MERTK: variants seen among roughly 807,000 people sequenced by gnomAD.
The protein encoded by MERTK is tyrosine-protein kinase Mer.
In MERTK, 69 loss-of-function variants were observed where a neutral mutation model predicts 99.3. That is an observed-to-expected ratio of 0.70 (90% CI 0.57 to 0.85). MERTK has a LOEUF of 0.85. Ranked by LOEUF, MERTK falls within the 40% of genes least tolerant of loss-of-function variation. The pLI is 0.00. For missense variants in MERTK, 1,125 were observed against 1,249.4 expected (o/e 0.90, Z 1.50); for synonymous variants, 426 against 467.6 (o/e 0.91, Z 1.15).
intron 6 of MERTK, among the ~76,000 whole-genome samples, chr2:111,968,569 G>C (rs1337261289): frequency 1.3e-5 from 2 of 151,486 alleles, no homozygotes; most frequent in Non-Finnish European, 2.9e-5. Context: ...TGCCCAGGCT[G>C]GATGCCCAGG....
chr2:111,994,968 T>C (rs1383640861), intron 9 of MERTK: 2 of 223,290 alleles, frequency 9.0e-6, no homozygotes, highest in South Asian at 7.0e-5. Flanking sequence ...GCTTTACTTA[T>C]TGAACTTAGT....
rs987310111 is a variant in MERTK at position 111,929,278 on chromosome 2, C to T, written c.220C>T (p.His74Tyr). 5.6e-6 allele frequency: 9 copies of T among 1,614,228 alleles called. No individual in the cohort carries two copies. Among genetic ancestry groups the T allele is most frequent in the Non-Finnish European group, 7.6e-6 (9 of 1,180,058 alleles). The change falls in exon 2 of 19, where the codon CAT (histidine) becomes TAT (tyrosine). Residue 74 changes from histidine to tyrosine, a missense_variant. Physicochemically the swap from His to Tyr is moderately conservative, Grantham distance 83. Transcript: ENST00000295408. ...TTCACCAACCCAGCCTGGAAGACCA[C>T]ATACAGGAAACGTAGCCATTCCCCA... ...MFSPTQPGRP[H>Y]TGNVAIPQVT...
Position 112,028,557 on chromosome 2 carries a change from ACC to A in MERTK, c.2695_2696del (p.Pro899Ter). 6.2e-7 allele frequency: 1 copy of A among 1,614,064 alleles called. No homozygotes were observed. The highest frequency in any genetic ancestry group is 8.5e-7 in the Non-Finnish European group (1 of 1,179,994). ...CTTGCTCCACTGGACTTGAACATCGACCCTGACTCTATAATTGCCTCCTGCAC... is the reference window on the plus strand; with the variant it reads ...CTTGCTCCACTGGACTTGAACATCGACTGACTCTATAATTGCCTCCTGCAC... On this transcript the variant is annotated frameshift_variant, in exon 19 of 19. Transcript: ENST00000295408. LOFTEE classifies it low-confidence loss of function (END_TRUNC).
At chr2:111,961,709 C>G (rs916744247) in intron 4 of MERTK, among the ~76,000 whole-genome samples, 2 of 152,280 alleles carry the variant, frequency 1.3e-5, no homozygotes, top group East Asian at 3.9e-4. Context: ...AACCTTCCAT[C>G]TAGATGGAAA....
chr2:111,965,084 A>C, intron 4 of MERTK, 107 bp from the exon 5 acceptor site: 2 of 1,132,274 alleles, frequency 1.8e-6, no homozygotes, highest in Non-Finnish European at 2.6e-6. Flanking sequence ...ACTAATGCCC[A>C]AAAGCCATGA....
At position 112,028,891 on chromosome 2, in the gene MERTK, A is replaced by T. The variant is rs761010584; in HGVS notation, c.*27A>T. On this transcript the variant is annotated 3_prime_UTR_variant, in exon 19 of 19. Coordinates refer to ENST00000295408, the MANE Select transcript of MERTK (RefSeq NM_006343.3). ...GAGAGGTGCGGGGAGACATTCCAAA[A>T]ATCAAGCCAATTCTTCTGCTGTAGG... is the stretch of plus-strand genomic sequence containing the variant. 1 of 1,613,286 alleles carries T rather than the reference A, an allele frequency of 6.2e-7. No homozygotes were observed. Among genetic ancestry groups the T allele is most frequent in the South Asian group, 1.1e-5 (1 of 91,068 alleles).
intron 8 of MERTK, among the ~76,000 whole-genome samples, chr2:111,993,135 ATT>A (rs199927946): frequency 0.017 from 1,641 of 93,872 alleles, 10 homozygotes; most frequent in Non-Finnish European, 0.027. Flanking sequence ...TGTGTTGACT[ATT>A]GTGGTGTGGG....
Position 111,907,852 on chromosome 2 carries a change from CA to C in MERTK, c.61+9057del, listed in dbSNP as rs1399407826. ...TAAGGATAAAGACAATGATTCATGA[CA>C]GGGGTTCTCAAGAAGAGGTATGCTT... On this transcript the variant is annotated intron_variant, in intron 1 of 18. Coordinates refer to ENST00000295408, the MANE Select transcript of MERTK (RefSeq NM_006343.3). Among the ~76,000 whole-genome samples, 3 of 152,318 alleles carry C rather than the reference CA, an allele frequency of 2.0e-5. No individual in the cohort carries two copies. In the East Asian group the frequency reaches 5.8e-4, roughly 29 times the overall value.
Position 111,929,158 on chromosome 2 carries a change from C to T in MERTK, c.100C>T (p.Leu34=). 3 of 1,614,198 alleles carry T rather than the reference C, an allele frequency of 1.9e-6. No homozygotes were observed. Among genetic ancestry groups the T allele is most frequent in the Non-Finnish European group, 2.5e-6 (3 of 1,180,018 alleles). The part of the protein sequence containing the change: ...EAREEAKPYP[L]FPGPFPGSLQ... ...AAGGGAAGAAGCCAAGCCTTACCCG[C>T]TATTCCCGGGACCTTTTCCAGGGAG... is the stretch of plus-strand genomic sequence containing the variant. The change falls in exon 2 of 19, where the codon CTA becomes TTA. Residue 34 remains leucine (L), a synonymous_variant. Coordinates refer to ENST00000295408, the MANE Select transcript of MERTK (RefSeq NM_006343.3).
intron 13 of MERTK, among the ~76,000 whole-genome samples, chr2:112,006,779 C>G (rs926609450): frequency 6.6e-6 from 1 of 152,154 alleles, no homozygotes; most frequent in Non-Finnish European, 1.5e-5. Context: ...CCCCTGTATT[C>G]CCCCACCTGG....
rs141895687 is a variant in MERTK, at chr2:112,016,578, G to T, written c.2080-2835G>T. ...AACATGCTTCTCCAGGAGGGCTAGGGTGCTGGACCCATAGTGCCACTCTGC... is the reference window on the plus strand; with the variant it reads ...AACATGCTTCTCCAGGAGGGCTAGGTTGCTGGACCCATAGTGCCACTCTGC... On this transcript the variant is annotated intron_variant, in intron 15 of 18. Transcript: ENST00000295408. 2.9e-3 allele frequency among the ~76,000 whole-genome samples: 441 copies of T among 152,322 alleles called. 5 individuals are homozygous for T. The highest frequency in any genetic ancestry group is 9.9e-3 in the African/African-American group (411 of 41,560).
intron 2 of MERTK, among the ~76,000 whole-genome samples, chr2:111,939,516 C>T (rs1684822583): frequency 6.6e-6 from 1 of 151,984 alleles, no homozygotes; most frequent in African/African-American, 2.4e-5. Context: ...GGGTCTCACT[C>T]TATCTTCCAG....
chr2:112,029,384 CTT>C lies in MERTK; in HGVS notation c.*521_*522del. The C allele has an allele frequency of 2.0e-5, 19 of 929,186 alleles. No homozygotes were observed. The highest frequency in any genetic ancestry group is 2.0e-4 in the South Asian group (4 of 20,138). 57.6% of individuals were successfully genotyped at this position (929,186 alleles called of 1,614,324 possible). A position where few individuals can be genotyped will look rare whatever the true frequency, so the allele number is the denominator to read the frequency against. ...AATAAGGAAGGATATGTTGAACTTA[CTT>C]GAGACTTGAAAGACAGTGGTCGGCA... On this transcript the variant is annotated 3_prime_UTR_variant, in exon 19 of 19. Coordinates refer to ENST00000295408, the MANE Select transcript of MERTK (RefSeq NM_006343.3).
chr2:111,970,777 C>G (rs1366206830), intron 6 of MERTK, among the ~76,000 whole-genome samples: 1 of 35,134 alleles, frequency 2.8e-5, no homozygotes, highest in East Asian at 7.6e-4. Context: ...CCTCCCTCCT[C>G]CTCCTCCTCC....
chr2:111,958,715 T>G (rs191866323), intron 4 of MERTK, among the ~76,000 whole-genome samples: 1 of 152,180 alleles, frequency 6.6e-6, no homozygotes, highest in Non-Finnish European at 1.5e-5. Flanking sequence ...GACTGTCCAT[T>G]TGACCTGAAG....
At chr2:111,910,919 T>A (rs990141772) in intron 1 of MERTK, among the ~76,000 whole-genome samples, 1 of 152,184 alleles carries the variant, frequency 6.6e-6, no homozygotes, top group Non-Finnish European at 1.5e-5. Context: ...AGTTTAGTGT[T>A]CCATAGCACT....
At chr2:112,001,313 G>A (rs1213457028) in intron 11 of MERTK, 27 bp downstream of exon 11, 1 of 1,563,514 alleles carries the variant, frequency 6.4e-7, no homozygotes, top group Non-Finnish European at 8.8e-7. Flanking sequence ...TTCCCTTTTT[G>A]GCAAAAGTTA....
chr2:111,971,961 A>G (rs1428598450), intron 6 of MERTK, among the ~76,000 whole-genome samples: 1 of 152,056 alleles, frequency 6.6e-6, no homozygotes, highest in Non-Finnish European at 1.5e-5. Context: ...TTTTTGCTTC[A>G]TGTTCTTTTG....
chr2:112,004,103 C>T, intron 13 of MERTK, 119 bp downstream of exon 13: 2 of 815,608 alleles, frequency 2.5e-6, no homozygotes, highest in South Asian at 1.4e-5. Flanking sequence ...CAATGTGGAA[C>T]ACTGGTCACC....
Sources: gnomAD v4.1 joint callset for allele counts (sites outside exome capture counted in the v4.1 genomes callset) on GRCh38, gnomAD v4.1.1 for gene constraint, MANE v1.5 for transcripts, NCBI Gene and HGNC (gene_info 2026-07-23, HGNC 2026-07-21) for gene names.